Variants in SGMS1 observed in about 807,000 individuals in gnomAD.
SGMS1 encodes sphingomyelin synthase 1.
SGMS1 carries 13 observed loss-of-function variants against 46.2 expected under a neutral mutation model. The observed-to-expected ratio is 0.28, with a 90% confidence interval of 0.18 to 0.45. The LOEUF (loss-of-function observed/expected upper bound fraction) is 0.45. Among genes scored for constraint, SGMS1 ranks in the 20% least tolerant of loss-of-function variants. SGMS1 has a pLI of 1.00. For synonymous variants in SGMS1, 203 were observed against 187.8 expected (o/e 1.08, Z -0.66); for missense variants, 324 against 519.9 (o/e 0.62, Z 3.66).
At chr10:50,352,502 A>C (rs1006125509) in intron 6 of SGMS1, among the ~76,000 whole-genome samples, 2 of 152,202 alleles carry the variant, frequency 1.3e-5, no homozygotes, top group Admixed American at 6.5e-5. Context: ...AATATGCATA[A>C]ATTCTTTATC....
Position 50,564,753 on chromosome 10 carries a change from TA to T in SGMS1, c.-589+25399del, listed in dbSNP as rs543562613. Among the ~76,000 whole-genome samples, 260 of 151,132 alleles carry T rather than the reference TA, an allele frequency of 1.7e-3. 1 individual carries two copies. The highest frequency in any genetic ancestry group is 5.3e-3 in the African/African-American group (215 of 40,556). The stretch of plus-strand genomic sequence containing the variant: ...ATGAGACAATGGCAGATAATCAGAT[TA>T]TTTTTTTTATTTTTATTTTTATTTA... On this transcript the variant is annotated intron_variant, in intron 2 of 10. Coordinates refer to ENST00000361781, the MANE Select transcript of SGMS1 (RefSeq NM_147156.4).
At chr10:50,602,177 T>C (rs1177407404) in intron 1 of SGMS1, among the ~76,000 whole-genome samples, 1 of 152,222 alleles carries the variant, frequency 6.6e-6, no homozygotes, top group African/African-American at 2.4e-5. Flanking sequence ...CTCCAAACAC[T>C]GTTCCCACTG....
chr10:50,417,319 A>G (rs544028192), intron 6 of SGMS1, among the ~76,000 whole-genome samples: 25 of 152,318 alleles, frequency 1.6e-4, no homozygotes, highest in African/African-American at 5.8e-4. Context: ...ACTCAATTGG[A>G]TAAAAATGTT....
intron 5 of SGMS1, among the ~76,000 whole-genome samples, chr10:50,444,130 A>C (rs1836977773): frequency 6.6e-6 from 1 of 152,194 alleles, no homozygotes; most frequent in African/African-American, 2.4e-5. Context: ...TCTAAAACTA[A>C]CATGTCAATA....
rs552764628 is a variant in SGMS1 at position 50,326,110 on chromosome 10, T to C, written c.741+1095A>G. 2.0e-5 allele frequency among the ~76,000 whole-genome samples: 3 copies of C among 151,946 alleles called. No individual in the cohort carries two copies. In the South Asian group the frequency reaches 6.2e-4, roughly 32 times the overall value. On this transcript the variant is annotated intron_variant, in intron 8 of 10. Transcript: ENST00000361781. Reference sequence around the variant, plus strand: ...GAATGTTGAGAACATTGCTTTTGTATGACAGCTCTTCCAGAGGTAAGGAAG... The same window carrying C: ...GAATGTTGAGAACATTGCTTTTGTACGACAGCTCTTCCAGAGGTAAGGAAG...
intron 5 of SGMS1, among the ~76,000 whole-genome samples, chr10:50,452,686 AG>A (rs1837126918): frequency 6.6e-6 from 1 of 152,210 alleles, no homozygotes; most frequent in African/African-American, 2.4e-5. Context: ...GAGAGAGAAA[AG>A]ATAAAACCAG....
At chr10:50,332,027 G>A (rs57732866) in intron 7 of SGMS1, among the ~76,000 whole-genome samples, 2,656 of 152,230 alleles carry the variant, frequency 0.017, 73 homozygotes, top group African/African-American at 0.057. Context: ...GTTTAGAACC[G>A]CCAGAATCAT....
intron 7 of SGMS1, chr10:50,341,334 A>T (rs1160626869): frequency 2.2e-6 from 1 of 455,894 alleles, no homozygotes; most frequent in Non-Finnish European, 4.4e-6. Flanking sequence ...AAGAGAGGTC[A>T]CAGGGAGAGA....
intron 8 of SGMS1, among the ~76,000 whole-genome samples, chr10:50,312,225 C>G (rs1017796021): frequency 1.3e-5 from 2 of 151,382 alleles, no homozygotes; most frequent in South Asian, 2.1e-4. Context: ...CAATATTTAA[C>G]TTATAAGAAT....
chr10:50,508,840 T>A (rs138782524), intron 3 of SGMS1, among the ~76,000 whole-genome samples: 4 of 152,330 alleles, frequency 2.6e-5, no homozygotes, highest in Non-Finnish European at 5.9e-5. Flanking sequence ...TCAAATGTCA[T>A]CTCCTATGTA....
At chr10:50,478,533 T>C (rs1837448529) in intron 3 of SGMS1, among the ~76,000 whole-genome samples, 1 of 152,202 alleles carries the variant, frequency 6.6e-6, no homozygotes, top group Non-Finnish European at 1.5e-5. Context: ...AAATGATTTC[T>C]CTTTACAGGG....
intron 6 of SGMS1, among the ~76,000 whole-genome samples, chr10:50,415,257 C>T (rs1849153919): frequency 6.6e-6 from 1 of 152,210 alleles, no homozygotes; most frequent in Non-Finnish European, 1.5e-5. Flanking sequence ...CAAACATACG[C>T]TACATACTGA....
chr10:50,575,594 A>G (rs1838376822), intron 2 of SGMS1, among the ~76,000 whole-genome samples: 1 of 151,776 alleles, frequency 6.6e-6, no homozygotes, highest in African/African-American at 2.4e-5. Flanking sequence ...AAGTGTTCTT[A>G]CCCCCGTCAC....
chr10:50,493,825 T>C (rs1837587271), intron 3 of SGMS1, among the ~76,000 whole-genome samples: 1 of 151,856 alleles, frequency 6.6e-6, no homozygotes, highest in Non-Finnish European at 1.5e-5. Context: ...TGAGACAGAG[T>C]CTTGCCCTAT....
intron 2 of SGMS1, among the ~76,000 whole-genome samples, chr10:50,535,000 G>A (rs1206356595): frequency 5.9e-5 from 9 of 152,158 alleles, no homozygotes; most frequent in African/African-American, 1.9e-4. Flanking sequence ...CTGGGAGGCC[G>A]AGGCGGTTGA....
At chr10:50,623,654 G>T in intron 1 of SGMS1, 53 bp downstream of exon 1, 2 of 985,354 alleles carry the variant, frequency 2.0e-6, no homozygotes, top group Non-Finnish European at 2.4e-6. Flanking sequence ...ACAGGTGTCC[G>T]ATCGGCCCCC....
chr10:50,577,169 G>A (rs1288633065), intron 2 of SGMS1, among the ~76,000 whole-genome samples: 1 of 152,184 alleles, frequency 6.6e-6, no homozygotes, highest in African/African-American at 2.4e-5. Flanking sequence ...TTGGGCTGGA[G>A]CTTTAAAAGT....
intron 2 of SGMS1, among the ~76,000 whole-genome samples, chr10:50,589,595 G>C (rs563327796): frequency 6.6e-6 from 1 of 151,982 alleles, no homozygotes; most frequent in East Asian, 1.9e-4. Flanking sequence ...TCAGCCTGCT[G>C]AATAGCTGGG....
At chr10:50,557,784 T>C (rs1396314100) in intron 2 of SGMS1, among the ~76,000 whole-genome samples, 1 of 152,042 alleles carries the variant, frequency 6.6e-6, no homozygotes, top group Non-Finnish European at 1.5e-5. Context: ...TCAGCATACC[T>C]GCCTTTTGCT....
Sources: gnomAD v4.1 joint callset for allele counts (sites outside exome capture counted in the v4.1 genomes callset) on GRCh38, gnomAD v4.1.1 for gene constraint, MANE v1.5 for transcripts, NCBI Gene and HGNC (gene_info 2026-07-23, HGNC 2026-07-21) for gene names.